The following GABRG3 variants were observed in gnomAD, a reference collection of about 807,000 sequenced individuals.
GABRG3 encodes the protein gamma-aminobutyric acid receptor subunit gamma-3.
A neutral mutation model predicts 48.8 loss-of-function variants in GABRG3; 25 were observed. The ratio of observed to expected loss-of-function variants is 0.51; its 90% CI spans 0.37 to 0.72. The LOEUF is 0.72. Ranked by LOEUF, GABRG3 falls within the 30% of genes least tolerant of loss-of-function variation. The probability of loss-of-function intolerance (pLI) is 0.00; values close to 1 mark genes in which losing one functional copy is unlikely to be tolerated. For synonymous variants in GABRG3, 227 were observed against 217.6 expected (o/e 1.04, Z -0.38); for missense variants, 394 against 577.9 (o/e 0.68, Z 3.26).
chr15:27,002,795 G>A (rs911168238), intron 2 of GABRG3, among the ~76,000 whole-genome samples: 134 of 146,626 alleles, frequency 9.1e-4, no homozygotes, highest in Middle Eastern at 3.5e-3. Context: ...GAAGGAAAGA[G>A]AGAAAGAGAG....
chr15:27,301,583 T>C (rs1488712587), intron 3 of GABRG3, among the ~76,000 whole-genome samples: 1 of 152,154 alleles, frequency 6.6e-6, no homozygotes, highest in Admixed American at 6.6e-5. Context: ...TATATCATTA[T>C]GCTTTATAAC....
chr15:26,971,665 T>A, intron 1 of GABRG3, 77 bp downstream of exon 1: 1 of 1,436,296 alleles, frequency 7.0e-7, no homozygotes, highest in Non-Finnish European at 9.1e-7. Flanking sequence ...TCTGCTGGAG[T>A]CCCTGGCGCG....
intron 3 of GABRG3, among the ~76,000 whole-genome samples, chr15:27,292,140 G>A (rs982313577): frequency 2.6e-5 from 4 of 152,098 alleles, no homozygotes; most frequent in Admixed American, 6.6e-5. Context: ...ATGCTGCATA[G>A]TATTCCATGG....
intron 5 of GABRG3, among the ~76,000 whole-genome samples, chr15:27,393,548 A>G (rs1887212433): frequency 6.6e-6 from 1 of 152,146 alleles, no homozygotes; most frequent in South Asian, 2.1e-4. Flanking sequence ...CTATATCTAT[A>G]TTTAATCAGT....
chr15:27,213,038 C>T (rs1889124110), intron 3 of GABRG3, among the ~76,000 whole-genome samples: 1 of 152,186 alleles, frequency 6.6e-6, no homozygotes, highest in Non-Finnish European at 1.5e-5. Flanking sequence ...TCTAGTTGTA[C>T]ACTCTCTTTA....
chr15:27,374,476 A>G (rs962009781), intron 5 of GABRG3, among the ~76,000 whole-genome samples: 6 of 152,130 alleles, frequency 3.9e-5, no homozygotes, highest in African/African-American at 1.4e-4. Flanking sequence ...GAATCTATCT[A>G]ATATTTTATT....
intron 5 of GABRG3, chr15:27,363,184 T>A (rs1895079168): frequency 6.6e-6 from 1 of 152,132 alleles, no homozygotes; most frequent in Non-Finnish European, 1.5e-5. Context: ...GGCACATTTC[T>A]CTCTGTCATA....
chr15:27,376,708 AG>A (rs1211615497), intron 5 of GABRG3, among the ~76,000 whole-genome samples: 1 of 152,148 alleles, frequency 6.6e-6, no homozygotes, highest in East Asian at 1.9e-4. Context: ...TGAACACCAC[AG>A]GGACCTTGAG....
chr15:27,092,228 T>C (rs531335807), intron 3 of GABRG3, among the ~76,000 whole-genome samples: 1 of 152,282 alleles, frequency 6.6e-6, no homozygotes, highest in African/African-American at 2.4e-5. Flanking sequence ...TGACTCAGTT[T>C]ACTAGTTTTT....
intron 5 of GABRG3, among the ~76,000 whole-genome samples, chr15:27,390,808 G>T (rs1344284003): frequency 6.6e-6 from 1 of 152,174 alleles, no homozygotes; most frequent in African/African-American, 2.4e-5. Flanking sequence ...ACATAATCAG[G>T]CCGGGCACGG....
At chr15:27,387,298 A>AT (rs1353764337) in intron 5 of GABRG3, among the ~76,000 whole-genome samples, 1 of 151,648 alleles carries the variant, frequency 6.6e-6, no homozygotes, top group Non-Finnish European at 1.5e-5. Context: ...TATTCTGGAC[A>AT]TTTTGAGTAT....
chr15:27,389,493 T>C lies in GABRG3; in HGVS notation c.574+60605T>C, dbSNP rs1418192768. On this transcript the variant is annotated intron_variant, in intron 5 of 9. Coordinates refer to ENST00000615808, the MANE Select transcript of GABRG3 (RefSeq NM_033223.5). ...CCACTGTTATCTGCGGTGAAATGGG[T>C]TATTTTGATAAATAAAGTATGTTGT... Among the ~76,000 whole-genome samples the C allele has an allele frequency of 3.9e-5, 6 of 152,200 alleles. No individual in the cohort carries two copies. In the East Asian group the frequency reaches 1.2e-3, roughly 29 times the overall value.
At chr15:27,120,421 A>G (rs762805310) in intron 3 of GABRG3, among the ~76,000 whole-genome samples, 7 of 152,054 alleles carry the variant, frequency 4.6e-5, no homozygotes, top group Non-Finnish European at 8.8e-5. Context: ...CTCCTGGTCT[A>G]TGTGTGATGT....
At chr15:27,216,270 T>A (rs1566968231) in intron 3 of GABRG3, among the ~76,000 whole-genome samples, 1 of 152,162 alleles carries the variant, frequency 6.6e-6, no homozygotes, top group South Asian at 2.1e-4. Context: ...AGTGATAAAT[T>A]GATGAGCGAA....
At chr15:27,322,207 T>C (rs569516967) in intron 3 of GABRG3, among the ~76,000 whole-genome samples, 3 of 152,334 alleles carry the variant, frequency 2.0e-5, no homozygotes, top group African/African-American at 7.2e-5. Context: ...TTTAGTCAAA[T>C]GTAGACACAA....
At chr15:27,113,621 A>G (rs546279555) in intron 3 of GABRG3, among the ~76,000 whole-genome samples, 3 of 152,200 alleles carry the variant, frequency 2.0e-5, no homozygotes, top group Non-Finnish European at 4.4e-5. Context: ...TAGCTTCTTC[A>G]TTGGTCAGTT....
chr15:27,406,188 T>C (rs1431633065), intron 5 of GABRG3, among the ~76,000 whole-genome samples: 1 of 151,512 alleles, frequency 6.6e-6, no homozygotes, highest in East Asian at 2.0e-4. Flanking sequence ...CACGAGTCCA[T>C]ACAGATATAA....
At position 27,388,340 on chromosome 15, in the gene GABRG3, GTGGGAGGGAGGGTAAGGAAGGAAGGA is replaced by G. The variant is rs1334068445; in HGVS notation, c.574+59453_574+59478del. On this transcript the variant is annotated intron_variant, in intron 5 of 9. Coordinates refer to ENST00000615808, the MANE Select transcript of GABRG3 (RefSeq NM_033223.5). ...AGGGAAAAGAAGGAAGGAAGGAAAG[GTGGGAGGGAGGGTAAGGAAGGAAGGA>G]AGAAAGGAAGGAAGGAAGGAAAGGA... Among the ~76,000 whole-genome samples the G allele has an allele frequency of 5.7e-3, 293 of 51,850 alleles. 19 individuals are homozygous for G. Among genetic ancestry groups the G allele is most frequent in the African/African-American group, 0.022 (266 of 12,256 alleles). 34.0% of individuals were successfully genotyped at this position (51,850 alleles called of 152,430 possible).
chr15:27,535,058 A>G lies in GABRG3; in HGVS notation c.*2177A>G, dbSNP rs1160820167. ...TAGTTCTGTCTCTCATGCATAAGCA[A>G]CCCCCGCCTTGGCAGAAGTATTCTG... On this transcript the variant is annotated 3_prime_UTR_variant, in exon 10 of 10. Coordinates refer to ENST00000615808, the MANE Select transcript of GABRG3 (RefSeq NM_033223.5). The G allele has an allele frequency of 6.6e-6, 1 of 152,104 alleles. No individual in the cohort carries two copies. The highest frequency in any genetic ancestry group is 1.5e-5 in the Non-Finnish European group (1 of 68,064). 9.4% of individuals were successfully genotyped at this position (152,104 alleles called of 1,614,324 possible).
Sources: allele counts gnomAD v4.1 joint callset (sites outside exome capture counted in the v4.1 genomes callset), GRCh38; gene constraint gnomAD v4.1.1; transcripts MANE v1.5; gene names NCBI Gene and HGNC (gene_info 2026-07-23, HGNC 2026-07-21).